Variants in MAP3K5 observed in about 807,000 individuals in gnomAD.
MAP3K5 encodes ASK-1.
Under a neutral mutation model 158.7 loss-of-function variants are expected in MAP3K5, and 56 were observed. The observed-to-expected ratio is 0.35, with a 90% confidence interval of 0.28 to 0.44. The LOEUF is 0.44. MAP3K5 is among the 20% of genes least tolerant of loss of function. The pLI is 1.00. For synonymous variants in MAP3K5, 579 were observed against 601.7 expected (o/e 0.96, Z 0.55); for missense variants, 1,294 against 1,674.8 (o/e 0.77, Z 3.97).
intron 14 of MAP3K5, among the ~76,000 whole-genome samples, chr6:136,635,725 CAAAAAA>C (rs140167177): frequency 7.4e-5 from 5 of 67,864 alleles, no homozygotes; most frequent in African/African-American, 1.8e-4. Context: ...CCGTCTCCAC[CAAAAAA>C]AAAAAAAAAA....
At chr6:136,728,607 T>C (rs531756922) in intron 1 of MAP3K5, among the ~76,000 whole-genome samples, 2 of 152,334 alleles carry the variant, frequency 1.3e-5, no homozygotes, top group East Asian at 3.9e-4. Context: ...CCATGTAAAA[T>C]GATGCAAATA....
chr6:136,622,035 G>A (rs1583287485), intron 15 of MAP3K5, among the ~76,000 whole-genome samples: 1 of 150,502 alleles, frequency 6.6e-6, no homozygotes, highest in South Asian at 2.1e-4. Context: ...GCAGTGAGCC[G>A]AGATCGTGCC....
At chr6:136,744,920 T>G (rs1313635075) in intron 1 of MAP3K5, among the ~76,000 whole-genome samples, 2 of 152,196 alleles carry the variant, frequency 1.3e-5, no homozygotes, top group African/African-American at 4.8e-5. Flanking sequence ...TTAAAGACAC[T>G]CATCCATCAA....
At chr6:136,748,978 A>G (rs1263278953) in intron 1 of MAP3K5, among the ~76,000 whole-genome samples, 1 of 152,268 alleles carries the variant, frequency 6.6e-6, no homozygotes, top group East Asian at 1.9e-4. Flanking sequence ...ATTTTAGTTA[A>G]GAAATAAAAC....
At chr6:136,698,763 T>A (rs1780720144) in intron 3 of MAP3K5, 81 bp from the exon 4 acceptor site, 1 of 929,422 alleles carries the variant, frequency 1.1e-6, no homozygotes, top group African/African-American at 1.7e-5. Flanking sequence ...TTACTCATTT[T>A]AAATAATTCC....
rs188511083 is a variant in MAP3K5, at chr6:136,684,441, G to A, written c.1253+9699C>T. On this transcript the variant is annotated intron_variant, in intron 7 of 29. Transcript: ENST00000359015. ...TAGGAATTCAGCATAACCATTTCATGGTTATTTCTTTTTAGATTTGCTTAA... is the reference window on the plus strand; with the variant it reads ...TAGGAATTCAGCATAACCATTTCATAGTTATTTCTTTTTAGATTTGCTTAA... 2.9e-3 allele frequency among the ~76,000 whole-genome samples: 441 copies of A among 152,116 alleles called. 2 individuals are homozygous for A. The highest frequency in any genetic ancestry group is 9.0e-3 in the South Asian group (43 of 4,804).
At position 136,778,556 on chromosome 6, in the gene MAP3K5, T is replaced by C. The variant is rs551260531; in HGVS notation, c.448+13154A>G. ...ATCACACCTTTTTAACCTAATTTTA[T>C]ATAGACCTTAGATATCTTGCAGATT... is the stretch of plus-strand genomic sequence containing the variant. On this transcript the variant is annotated intron_variant, in intron 1 of 29. Coordinates refer to ENST00000359015, the MANE Select transcript of MAP3K5 (RefSeq NM_005923.4). Among the ~76,000 whole-genome samples, 16 of 152,352 alleles carry C rather than the reference T, an allele frequency of 1.1e-4. No individual in the cohort carries two copies. In the South Asian group the frequency reaches 3.3e-3, roughly 32 times the overall value.
intron 1 of MAP3K5, among the ~76,000 whole-genome samples, chr6:136,765,022 G>A (rs1242111558): frequency 2.0e-5 from 3 of 152,140 alleles, no homozygotes; most frequent in Admixed American, 6.5e-5. Context: ...AGCCACCAAT[G>A]TGCGGCAATG....
At chr6:136,665,495 T>G (rs886378779) in intron 8 of MAP3K5, among the ~76,000 whole-genome samples, 11 of 151,926 alleles carry the variant, frequency 7.2e-5, no homozygotes, top group Non-Finnish European at 1.3e-4. Flanking sequence ...TACAGAAGCA[T>G]GCCACCACAC....
intron 1 of MAP3K5, among the ~76,000 whole-genome samples, chr6:136,756,091 G>C (rs1050454904): frequency 1.3e-5 from 2 of 151,704 alleles, no homozygotes; most frequent in Non-Finnish European, 2.9e-5. Flanking sequence ...CAGATCGCTT[G>C]AGCCCAGGAG....
chr6:136,781,403 T>C (rs1354389088), intron 1 of MAP3K5, among the ~76,000 whole-genome samples: 1 of 152,242 alleles, frequency 6.6e-6, no homozygotes, highest in Non-Finnish European at 1.5e-5. Flanking sequence ...ACTATGACTC[T>C]TCCTCATAAT....
intron 8 of MAP3K5, among the ~76,000 whole-genome samples, chr6:136,665,162 T>A (rs1050490513): frequency 3.9e-5 from 6 of 152,316 alleles, no homozygotes; most frequent in South Asian, 2.1e-4. Context: ...AAATTTTTTT[T>A]AAATAAGCAT....
intron 18 of MAP3K5, 74 bp from the exon 19 acceptor site, chr6:136,605,440 G>T: frequency 7.8e-7 from 1 of 1,282,024 alleles, no homozygotes; most frequent in South Asian, 1.6e-5. Flanking sequence ...TTTTTCAACA[G>T]AATTTTTCAA....
intron 1 of MAP3K5, among the ~76,000 whole-genome samples, chr6:136,789,726 AC>A (rs1784992858): frequency 8.7e-6 from 1 of 115,098 alleles, no homozygotes; most frequent in South Asian, 2.8e-4. Context: ...TCATTCTGTC[AC>A]CCAGTCTGGA....
chr6:136,647,384 A>G (rs1395677614), intron 11 of MAP3K5, among the ~76,000 whole-genome samples: 1 of 152,224 alleles, frequency 6.6e-6, no homozygotes, highest in Non-Finnish European at 1.5e-5. Flanking sequence ...GAGGAGTTGA[A>G]GCGCATGCCT....
At chr6:136,656,133 G>A in intron 10 of MAP3K5, 174 bp downstream of exon 10, 1 of 574,676 alleles carries the variant, frequency 1.7e-6, no homozygotes, top group South Asian at 2.2e-5. Context: ...CTGATTTTGA[G>A]AAGTTATTTT....
At chr6:136,636,997 C>T (rs1777667539) in intron 14 of MAP3K5, 2 of 1,066,966 alleles carry the variant, frequency 1.9e-6, no homozygotes, top group South Asian at 8.2e-5. Flanking sequence ...AGTGAATCTT[C>T]TTTGTCTGAA....
chr6:136,776,764 G>T (rs908701636), intron 1 of MAP3K5, among the ~76,000 whole-genome samples: 4 of 152,124 alleles, frequency 2.6e-5, no homozygotes, highest in Non-Finnish European at 5.9e-5. Context: ...CTAACACAAT[G>T]GTCCTGTAAG....
At position 136,584,698 on chromosome 6, in the gene MAP3K5, AGAG is replaced by A. The variant is rs200923590; in HGVS notation, c.3226-961_3226-959del. ...CACAGCCAAACCATATCAGGGAGGG[AGAG>A]GAGAAGTGGACAAGAACAGAAATGC... is the stretch of plus-strand genomic sequence containing the variant. On this transcript the variant is annotated intron_variant, in intron 23 of 29. Transcript: ENST00000359015. Among the ~76,000 whole-genome samples the A allele has an allele frequency of 4.9e-4, 74 of 152,236 alleles. No individual in the cohort carries two copies. The East Asian group carries it at 0.011, about 23-fold the overall frequency.
Sources: allele counts gnomAD v4.1 joint callset (sites outside exome capture counted in the v4.1 genomes callset), GRCh38; gene constraint gnomAD v4.1.1; transcripts MANE v1.5; gene names NCBI Gene and HGNC (gene_info 2026-07-23, HGNC 2026-07-21).